ADAMTS20: variants seen among roughly 807,000 people sequenced by gnomAD.
ADAMTS20 encodes the protein ADAM metallopeptidase with thrombospondin type 1 motif 20.
In ADAMTS20, 225 loss-of-function variants were observed where a neutral mutation model predicts 260.1. That is an observed-to-expected ratio of 0.87 (90% CI 0.78 to 0.97). ADAMTS20 has a LOEUF of 0.97. ADAMTS20 is among the 50% of genes least tolerant of loss of function. ADAMTS20 has a pLI of 0.00. For synonymous variants in ADAMTS20, 802 were observed against 769.5 expected (o/e 1.04, Z -0.70); for missense variants, 2,400 against 2,337.7 (o/e 1.03, Z -0.55).
chr12:43,443,832 C>T lies in ADAMTS20; in HGVS notation c.2249G>A (p.Arg750His), dbSNP rs185912414. Residue 750 changes from arginine (R) to histidine (H), a missense_variant, in exon 16 of 39, where the codon CGT (arginine) becomes CAT (histidine). By Grantham distance (29) the Arg-to-His change is conservative. Transcript: ENST00000389420. ...IPAGATNVDIRQYSYSGQPDD... is the reference protein window; with the variant it reads ...IPAGATNVDIHQYSYSGQPDD... The stretch of plus-strand genomic sequence containing the variant: ...TGGTTGTCCAGAATAGCTGTACTGA[C>T]GAATGTCAACGTTTGTTGCTCCTGC... The T allele has an allele frequency of 2.9e-5, 46 of 1,613,080 alleles. No individual in the cohort carries two copies. The highest frequency in any genetic ancestry group is 6.7e-5 in the East Asian group (3 of 44,842).
At chr12:43,467,320 T>A (rs1275625505) in intron 8 of ADAMTS20, among the ~76,000 whole-genome samples, 1 of 151,986 alleles carries the variant, frequency 6.6e-6, no homozygotes, top group Non-Finnish European at 1.5e-5. Context: ...ACTAGAATAA[T>A]AAAAACATTC....
At chr12:43,375,291 CCCTGGCTA>C in intron 36 of ADAMTS20, 80 bp downstream of exon 36, 1 of 1,410,176 alleles carries the variant, frequency 7.1e-7, no homozygotes, top group Non-Finnish European at 9.5e-7. Flanking sequence ...CTTCTCTGTA[CCCTGGCTA>C]CAACATATAC....
intron 29 of ADAMTS20, among the ~76,000 whole-genome samples, chr12:43,388,073 A>G (rs940793562): frequency 6.7e-6 from 1 of 148,176 alleles, no homozygotes; most frequent in Non-Finnish European, 1.5e-5. Context: ...TGCCACGTAC[A>G]AAAAAAAAAC....
At position 43,478,620 on chromosome 12, in the gene ADAMTS20, G is replaced by A. The variant is rs566578035; in HGVS notation, c.1118-9915C>T. Among the ~76,000 whole-genome samples the A allele has an allele frequency of 7.8e-4, 119 of 152,110 alleles. 1 individual carries two copies. The highest frequency in any genetic ancestry group is 2.8e-3 in the African/African-American group (117 of 41,494). On this transcript the variant is annotated intron_variant, in intron 7 of 38. Coordinates refer to ENST00000389420, the MANE Select transcript of ADAMTS20 (RefSeq NM_025003.5). ...CTGCTTTATATTCAAGACAAAGAGA[G>A]GATCTTATAAAAGACAGATCACCAA...
chr12:43,491,278 C>T (rs1942596113), intron 6 of ADAMTS20, among the ~76,000 whole-genome samples: 1 of 152,050 alleles, frequency 6.6e-6, no homozygotes, highest in South Asian at 2.1e-4. Context: ...TAGGCTATAC[C>T]ATATTGCCTT....
In ADAMTS20 at chr12:43,551,227, G is replaced by C. The variant is rs1338616516; in HGVS notation, c.135C>G (p.Pro45=). Residue 45 remains proline, a synonymous_variant, in exon 2 of 39, where the codon CCC becomes CCG. Coordinates refer to ENST00000389420, the MANE Select transcript of ADAMTS20 (RefSeq NM_025003.5). The surrounding 1 kb of genome is among the most constrained non-coding windows in gnomAD (Gnocchi z 4.6). ...RTLTSYEVVI[P]ERVNEFGEVF... ...CTTCTCCAAACTCATTGACCCGCTC[G>C]GGGATCACTACTTCGTAGGAGGTCA... 4 of 1,613,674 alleles carry C rather than the reference G, an allele frequency of 2.5e-6. No homozygotes were observed. The highest frequency in any genetic ancestry group is 2.7e-5 in the African/African-American group (2 of 74,874).
chr12:43,389,292 T>C (rs1940548084), intron 29 of ADAMTS20, among the ~76,000 whole-genome samples: 1 of 152,128 alleles, frequency 6.6e-6, no homozygotes, highest in African/African-American at 2.4e-5. Flanking sequence ...TCAAGAAAGT[T>C]ATGTGCTTAC....
chr12:43,443,080 A>C (rs1179547985), intron 16 of ADAMTS20, among the ~76,000 whole-genome samples: 2 of 152,212 alleles, frequency 1.3e-5, no homozygotes, highest in Non-Finnish European at 2.9e-5. Context: ...AATGTACAGC[A>C]GATGCTTTCT....
chr12:43,526,749 T>G (rs530516854), intron 3 of ADAMTS20, among the ~76,000 whole-genome samples: 23 of 152,022 alleles, frequency 1.5e-4, no homozygotes, highest in Non-Finnish European at 2.9e-4. Flanking sequence ...AGATCACAAG[T>G]TAACAATCTA....
intron 5 of ADAMTS20, 71 bp from the exon 6 acceptor site, chr12:43,492,700 A>G (rs1317324505): frequency 1.3e-5 from 20 of 1,543,232 alleles, no homozygotes; most frequent in Non-Finnish European, 1.6e-5. Context: ...GTTTATCAGC[A>G]TCTGCACAAT....
chr12:43,492,243 G>A (rs1276500725), intron 6 of ADAMTS20, among the ~76,000 whole-genome samples: 1 of 151,996 alleles, frequency 6.6e-6, no homozygotes, highest in Non-Finnish European at 1.5e-5. Context: ...AGCCGGGCGT[G>A]GTGGCGGGCG....
At chr12:43,416,523 C>CT (rs1941132670) in intron 28 of ADAMTS20, among the ~76,000 whole-genome samples, 1 of 126,092 alleles carries the variant, frequency 7.9e-6, no homozygotes. Flanking sequence ...GTCAAACTGA[C>CT]CTTTTTTTTT....
At chr12:43,548,627 T>C (rs978406608) in intron 2 of ADAMTS20, among the ~76,000 whole-genome samples, 1 of 152,146 alleles carries the variant, frequency 6.6e-6, no homozygotes, top group Non-Finnish European at 1.5e-5. Flanking sequence ...CTAATATCCG[T>C]TTTAGTGCTA....
intron 2 of ADAMTS20, among the ~76,000 whole-genome samples, chr12:43,539,542 C>T (rs868641412): frequency 3.3e-5 from 5 of 152,138 alleles, no homozygotes; most frequent in Non-Finnish European, 7.3e-5. Context: ...CCATATTTCA[C>T]TAATTCTACC....
chr12:43,464,763 G>A, intron 9 of ADAMTS20, 31 bp from the exon 10 acceptor site: 1 of 1,594,052 alleles, frequency 6.3e-7, no homozygotes, highest in Non-Finnish European at 8.6e-7. Context: ...AAAATATTGT[G>A]AATACACATG....
At chr12:43,472,904 G>A (rs1303000106) in intron 7 of ADAMTS20, among the ~76,000 whole-genome samples, 8 of 143,402 alleles carry the variant, frequency 5.6e-5, no homozygotes, top group South Asian at 2.4e-4. Flanking sequence ...AAAGACCATC[G>A]AGACTAGGAA....
intron 3 of ADAMTS20, among the ~76,000 whole-genome samples, chr12:43,519,299 G>A (rs1196190787): frequency 6.6e-6 from 1 of 152,006 alleles, no homozygotes; most frequent in Non-Finnish European, 1.5e-5. Context: ...TCCACAACCT[G>A]GAGCCACCCA....
chr12:43,374,060 A>G (rs7964457), intron 36 of ADAMTS20, among the ~76,000 whole-genome samples: 34,280 of 152,006 alleles, frequency 0.23, 4,631 homozygotes, highest in African/African-American at 0.37. Flanking sequence ...AACCTTAGTA[A>G]TAGTTTCTCA....
At chr12:43,544,056 G>A (rs1943411374) in intron 2 of ADAMTS20, among the ~76,000 whole-genome samples, 1 of 152,034 alleles carries the variant, frequency 6.6e-6, no homozygotes, top group Non-Finnish European at 1.5e-5. Context: ...AATGAACAAT[G>A]TGTTTCTTCC....
Sources: gnomAD v4.1 joint callset for allele counts (sites outside exome capture counted in the v4.1 genomes callset) on GRCh38, gnomAD v4.1.1 for gene constraint, Gnocchi (gnomAD v3.1) non-coding constraint, MANE v1.5 for transcripts, NCBI Gene and HGNC (gene_info 2026-07-23, HGNC 2026-07-21) for gene names.